Variants in HBEGF observed in about 807,000 individuals in gnomAD.
HBEGF encodes the protein heparin binding EGF like growth factor.
HBEGF carries 8 observed loss-of-function variants against 19.5 expected under a neutral mutation model. The observed-to-expected ratio is 0.41, with a 90% CI of 0.24 to 0.74. The LOEUF is 0.74. HBEGF is among the 30% of genes least tolerant of loss of function. The pLI, the probability that HBEGF is intolerant of heterozygous loss-of-function variation, is 0.32. For missense variants in HBEGF, 207 were observed against 256.9 expected (o/e 0.81, Z 1.33); for synonymous variants, 97 against 108.9 (o/e 0.89, Z 0.68).
In HBEGF at chr5:140,346,474, G is replaced by A. The variant is rs542952772; in HGVS notation, c.-146C>T. ...CGCCTCTGCGTGCAAGCCTGGCCGG[G>A]ACCCAGGCGCAGCTCGCTCTTCTTG... On this transcript the variant is annotated 5_prime_UTR_variant, in exon 1 of 6. Coordinates refer to ENST00000230990, the MANE Select transcript of HBEGF (RefSeq NM_001945.3). The surrounding 1 kb of genome is among the most constrained non-coding windows in gnomAD (Gnocchi z 6.1). 66 of 869,594 alleles carry A rather than the reference G, an allele frequency of 7.6e-5. No individual in the cohort carries two copies. The highest frequency in any genetic ancestry group is 6.8e-4 in the Admixed American group (28 of 41,330). 53.9% of individuals were successfully genotyped at this position (869,594 alleles called of 1,614,324 possible).
rs114330295 is a variant in HBEGF, at chr5:140,342,148, C to T, written c.398+487G>A. On this transcript the variant is annotated intron_variant, in intron 3 of 5. Transcript: ENST00000230990. ...CCATGATGATCCCTCTCTGTACAGT[C>T]CTGCCATGCCTCACAGTCAATCCAC... Among the ~76,000 whole-genome samples, 629 of 152,322 alleles carry T rather than the reference C, an allele frequency of 4.1e-3. 4 individuals are homozygous for T. The highest frequency in any genetic ancestry group is 0.014 in the African/African-American group (598 of 41,564).
At position 140,334,145 on chromosome 5, in the gene HBEGF, C is replaced by G. The variant is rs1178827092; in HGVS notation, c.*154G>C. 1.3e-5 allele frequency: 2 copies of G among 154,112 alleles called. No homozygotes were observed. The highest frequency in any genetic ancestry group is 2.9e-5 in the Non-Finnish European group (2 of 69,192). The allele number at this position is 154,112 out of a possible 1,614,324, so 9.5% of individuals were successfully genotyped here. A position where few individuals can be genotyped will look rare whatever the true frequency, so the allele number is the denominator to read the frequency against. On this transcript the variant is annotated 3_prime_UTR_variant, in exon 6 of 6. Transcript: ENST00000230990. ...GCACTTGAAGGCTCTGGTATTTTGG[C>G]AAAGCAATTATGGGAGGCCCAATCC... is the stretch of plus-strand genomic sequence containing the variant.
In HBEGF at chr5:140,346,385, T is replaced by C. The variant is rs1380648249; in HGVS notation, c.-57A>G. Reference sequence around the variant, plus strand: ...CAGTCACTTTCGAAGCGGCGGCCACTGGGCGCTGGCACCAGAGCTGGGCGG... The same window carrying C: ...CAGTCACTTTCGAAGCGGCGGCCACCGGGCGCTGGCACCAGAGCTGGGCGG... On this transcript the variant is annotated 5_prime_UTR_variant, in exon 1 of 6. Transcript: ENST00000230990. The surrounding 1 kb of genome is among the most constrained non-coding windows in gnomAD (Gnocchi z 6.1). 2.0e-5 allele frequency: 32 copies of C among 1,564,698 alleles called. No homozygotes were observed. Among genetic ancestry groups the C allele is most frequent in the Non-Finnish European group, 6.1e-6 (7 of 1,153,234 alleles).
At chr5:140,345,150 C>T (rs1201757630) in intron 2 of HBEGF, among the ~76,000 whole-genome samples, 1 of 152,162 alleles carries the variant, frequency 6.6e-6, no homozygotes, top group Non-Finnish European at 1.5e-5. Flanking sequence ...GTGCTGAGTC[C>T]TTGCTCTACT....
At chr5:140,334,798 C>CG in intron 4 of HBEGF, 50 bp from the exon 5 acceptor site, 1 of 1,414,506 alleles carries the variant, frequency 7.1e-7, no homozygotes, top group South Asian at 1.1e-5. Context: ...TGACAAAGTG[C>CG]AGGTCCAGAG....
chr5:140,345,874 C>G (rs745720109), intron 2 of HBEGF, 37 bp downstream of exon 2: 11 of 1,611,138 alleles, frequency 6.8e-6, no homozygotes. Context: ...CTTCAACAGC[C>G]CACCAAGGTC....
intron 3 of HBEGF, among the ~76,000 whole-genome samples, chr5:140,338,153 G>A (rs1297838603): frequency 6.6e-6 from 1 of 152,226 alleles, no homozygotes; most frequent in South Asian, 2.1e-4. Flanking sequence ...ATAGGCTCCT[G>A]GGGGGCAGTC....
intron 3 of HBEGF, among the ~76,000 whole-genome samples, chr5:140,337,936 AC>A: frequency 6.6e-6 from 1 of 152,296 alleles, no homozygotes; most frequent in East Asian, 1.9e-4. Flanking sequence ...GAGCCTCCTA[AC>A]ATTCTGGTAG....
intron 3 of HBEGF, among the ~76,000 whole-genome samples, chr5:140,336,534 T>C (rs1766230203): frequency 6.6e-6 from 1 of 152,226 alleles, no homozygotes. Context: ...TCCACTGCTG[T>C]CCAGCCTATT....
At chr5:140,342,273 C>G (rs1396656007) in intron 3 of HBEGF, among the ~76,000 whole-genome samples, 1 of 152,166 alleles carries the variant, frequency 6.6e-6, no homozygotes, top group African/African-American at 2.4e-5. Flanking sequence ...CTACTCTGCC[C>G]TGGAAGCCCA....
chr5:140,344,159 GA>G (rs1181909121), intron 2 of HBEGF, among the ~76,000 whole-genome samples: 1 of 151,372 alleles, frequency 6.6e-6, no homozygotes, highest in Non-Finnish European at 1.5e-5. Context: ...AAGAAAAAAA[GA>G]AAAAACTCAT....
Position 140,346,603 on chromosome 5 carries a change from T to A in HBEGF, c.-275A>T. ...GGCCCGCGTAGCTCCTTCGGCCGAA[T>A]GAGCGCTGCCCGGCTCGCGGCCGGG... On this transcript the variant is annotated 5_prime_UTR_variant, in exon 1 of 6. Transcript: ENST00000230990. The surrounding 1 kb of genome is among the most constrained non-coding windows in gnomAD (Gnocchi z 6.1). 1 of 472,684 alleles carries A rather than the reference T, an allele frequency of 2.1e-6. No individual in the cohort carries two copies. The highest frequency in any genetic ancestry group is 3.8e-6 in the Non-Finnish European group (1 of 266,378). The allele number at this position is 472,684 out of a possible 1,614,324, so 29.3% of individuals were successfully genotyped here.
At chr5:140,342,910 G>T (rs1217243959) in intron 2 of HBEGF, 98 bp from the exon 3 acceptor site, 2 of 1,260,318 alleles carry the variant, frequency 1.6e-6, no homozygotes, top group Non-Finnish European at 2.3e-6. Flanking sequence ...GATTCCACCT[G>T]AAGTCAGAGA....
At chr5:140,341,570 A>G (rs1356884037) in intron 3 of HBEGF, among the ~76,000 whole-genome samples, 1 of 152,214 alleles carries the variant, frequency 6.6e-6, no homozygotes, top group African/African-American at 2.4e-5. Context: ...AATACAGGGC[A>G]GCTCTGCTGT....
intron 4 of HBEGF, 81 bp downstream of exon 4, chr5:140,335,791 T>C (rs1766218705): frequency 7.0e-7 from 1 of 1,430,862 alleles, no homozygotes; most frequent in African/African-American, 1.4e-5. Flanking sequence ...GAAGTGCATG[T>C]GACCATCAAG....
chr5:140,336,672 C>G (rs761180494), intron 3 of HBEGF, among the ~76,000 whole-genome samples: 3 of 152,214 alleles, frequency 2.0e-5, no homozygotes, highest in Non-Finnish European at 4.4e-5. Flanking sequence ...CGCTGAGCTA[C>G]CAGGCCTCTT....
At chr5:140,340,937 C>T (rs1766302071) in intron 3 of HBEGF, among the ~76,000 whole-genome samples, 1 of 152,314 alleles carries the variant, frequency 6.6e-6, no homozygotes, top group East Asian at 1.9e-4. Flanking sequence ...CCAGTTTCAT[C>T]ACCTTTCAAG....
Position 140,341,836 on chromosome 5 carries a change from T to C in HBEGF, c.398+799A>G, listed in dbSNP as rs530275998. Among the ~76,000 whole-genome samples, 3 of 152,324 alleles carry C rather than the reference T, an allele frequency of 2.0e-5. No individual in the cohort carries two copies. In the East Asian group the frequency reaches 5.8e-4, roughly 29 times the overall value. ...GCAACATTATGCCTGCCAGAGAGCA[T>C]GGCAGTGCTGTCATCCCTGAGGGGT... is the stretch of plus-strand genomic sequence containing the variant. On this transcript the variant is annotated intron_variant, in intron 3 of 5. Transcript: ENST00000230990.
intron 3 of HBEGF, among the ~76,000 whole-genome samples, chr5:140,336,811 C>CTTTTCT (rs1164301253): frequency 1.1e-4 from 16 of 151,190 alleles, no homozygotes; most frequent in African/African-American, 1.7e-4. Context: ...TGGCAACTGC[C>CTTTTCT]TTTTCTTTTT....
Sources: gnomAD v4.1 joint callset for allele counts (sites outside exome capture counted in the v4.1 genomes callset) on GRCh38, gnomAD v4.1.1 for gene constraint, Gnocchi (gnomAD v3.1) non-coding constraint, MANE v1.5 for transcripts, NCBI Gene and HGNC (gene_info 2026-07-23, HGNC 2026-07-21) for gene names.